TAF3: variants seen among roughly 807,000 people sequenced by gnomAD.
TAF3 encodes TATA-box binding protein associated factor 3.
Under a neutral mutation model 80.6 loss-of-function variants are expected in TAF3, and 7 were observed. That is an observed-to-expected ratio of 0.09 (90% CI 0.05 to 0.16). The LOEUF is 0.16. Among genes scored for constraint, TAF3 ranks in the 10% least tolerant of loss-of-function variants. TAF3 has a pLI of 1.00. For missense variants in TAF3, 921 were observed against 1,140.2 expected, an observed-to-expected ratio of 0.81 and a Z score of 2.77; for synonymous variants, 444 against 446.1, an observed-to-expected ratio of 1.00 and a Z score of 0.06.
chr10:7,968,079 A>G (rs1831589717), intron 3 of TAF3, among the ~76,000 whole-genome samples: 1 of 152,170 alleles, frequency 6.6e-6, no homozygotes, highest in Non-Finnish European at 1.5e-5. Context: ...ATGCGGTTCC[A>G]TATGGTCCGA....
chr10:7,897,579 T>G (rs1055915534), intron 2 of TAF3, among the ~76,000 whole-genome samples: 5 of 152,190 alleles, frequency 3.3e-5, no homozygotes, highest in Admixed American at 2.0e-4. Flanking sequence ...TGATAATCCA[T>G]ACCCTTCGGT....
intron 3 of TAF3, among the ~76,000 whole-genome samples, chr10:7,972,093 GC>G (rs1831628257): frequency 1.3e-5 from 2 of 152,150 alleles, no homozygotes; most frequent in South Asian, 2.1e-4. Flanking sequence ...ACCCTTAAAA[GC>G]TCATCGTGGC....
At chr10:7,827,886 G>T (rs1836759527) in intron 2 of TAF3, among the ~76,000 whole-genome samples, 1 of 152,044 alleles carries the variant, frequency 6.6e-6, no homozygotes, top group Non-Finnish European at 1.5e-5. Flanking sequence ...GAGCCCAGGG[G>T]TCAAGGCTGC....
chr10:7,963,433 T>A (rs1831530636), intron 2 of TAF3, among the ~76,000 whole-genome samples: 2 of 152,200 alleles, frequency 1.3e-5, no homozygotes, highest in South Asian at 4.1e-4. Context: ...AGGACAATGA[T>A]CAATTTGTAC....
chr10:7,851,381 T>C (rs1366109686), intron 2 of TAF3, among the ~76,000 whole-genome samples: 1 of 152,030 alleles, frequency 6.6e-6, no homozygotes, highest in Non-Finnish European at 1.5e-5. Context: ...CAGGGGGTGG[T>C]TGGGGCAGAG....
intron 2 of TAF3, among the ~76,000 whole-genome samples, chr10:7,893,566 G>T (rs1295856392): frequency 6.6e-6 from 1 of 152,042 alleles, no homozygotes; most frequent in Non-Finnish European, 1.5e-5. Flanking sequence ...GGCTTTTGTT[G>T]CTGTAGCTAG....
Position 8,009,918 on chromosome 10 carries a change from C to G in TAF3, c.2568+588C>G, listed in dbSNP as rs1426526938. On this transcript the variant is annotated intron_variant, in intron 5 of 6. Coordinates refer to ENST00000344293, the MANE Select transcript of TAF3 (RefSeq NM_031923.4). This position sits in a 1 kb window ranked among gnomAD's most constrained non-coding sequence, Gnocchi z 4.1. ...TACAGGCATGAGCCACCGTGCCCGG[C>G]TTTTTTTTTTTGAAAGGGGATTTCA... Among the ~76,000 whole-genome samples, 2 of 145,598 alleles carry G rather than the reference C, an allele frequency of 1.4e-5. No individual in the cohort carries two copies. The highest frequency in any genetic ancestry group is 3.0e-5 in the Non-Finnish European group (2 of 65,766).
chr10:7,968,958 G>C (rs1432962014), intron 3 of TAF3, among the ~76,000 whole-genome samples: 1 of 152,186 alleles, frequency 6.6e-6, no homozygotes, highest in Non-Finnish European at 1.5e-5. Flanking sequence ...CACCTAGTCA[G>C]GGTTGGGACT....
At chr10:7,875,606 C>T (rs11255422) in intron 2 of TAF3, among the ~76,000 whole-genome samples, 43,721 of 152,026 alleles carry the variant, frequency 0.29, 7,581 homozygotes, top group Non-Finnish European at 0.38. Context: ...AGTTGACTGC[C>T]TCTTTTCAAA....
intron 2 of TAF3, among the ~76,000 whole-genome samples, chr10:7,880,661 A>C (rs1001441357): frequency 2.0e-5 from 3 of 152,244 alleles, no homozygotes; most frequent in African/African-American, 7.2e-5. Context: ...TACACAGTAC[A>C]TGTTGTATCT....
intron 2 of TAF3, among the ~76,000 whole-genome samples, chr10:7,885,514 C>G (rs568737892): frequency 5.9e-5 from 9 of 152,178 alleles, no homozygotes; most frequent in Non-Finnish European, 1.3e-4. Context: ...CATTTCCCTC[C>G]TCACCGAATC....
intron 2 of TAF3, among the ~76,000 whole-genome samples, chr10:7,943,678 T>A (rs912477545): frequency 6.6e-6 from 1 of 152,242 alleles, no homozygotes; most frequent in Non-Finnish European, 1.5e-5. Flanking sequence ...GCATCATTTG[T>A]GCCTCTTGGC....
chr10:7,960,314 G>A (rs1047364566), intron 2 of TAF3, among the ~76,000 whole-genome samples: 2 of 152,196 alleles, frequency 1.3e-5, no homozygotes, highest in Non-Finnish European at 2.9e-5. Context: ...AAGCGAGGGA[G>A]GGAGGGAAAA....
At chr10:7,928,660 G>A (rs1418878944) in intron 2 of TAF3, among the ~76,000 whole-genome samples, 1 of 152,134 alleles carries the variant, frequency 6.6e-6, no homozygotes, top group Non-Finnish European at 1.5e-5. Context: ...AAGGATGAAT[G>A]TTGTAATGGT....
intron 2 of TAF3, among the ~76,000 whole-genome samples, chr10:7,881,393 A>G (rs1208190802): frequency 2.0e-5 from 3 of 152,100 alleles, no homozygotes; most frequent in Non-Finnish European, 4.4e-5. Context: ...TGCCGCCTCC[A>G]AGTCAGCAGT....
intron 2 of TAF3, among the ~76,000 whole-genome samples, chr10:7,860,524 A>C (rs1424649537): frequency 6.6e-6 from 1 of 152,124 alleles, no homozygotes; most frequent in Admixed American, 6.6e-5. Context: ...TTATTTCGAG[A>C]TACTTCCCCT....
At chr10:7,979,297 TCGCGCCAC>T (rs1831701978) in intron 4 of TAF3, among the ~76,000 whole-genome samples, 1 of 143,928 alleles carries the variant, frequency 6.9e-6, no homozygotes, top group Non-Finnish European at 1.5e-5. Context: ...TGAGCTGAGA[TCGCGCCAC>T]TGAACTCCAG....
chr10:7,987,588 G>T (rs1296372949), intron 4 of TAF3, among the ~76,000 whole-genome samples: 1 of 152,156 alleles, frequency 6.6e-6, no homozygotes, highest in Non-Finnish European at 1.5e-5. Context: ...CATTTAAAAT[G>T]TTTAAGAGAT....
chr10:7,832,507 T>G (rs927785480), intron 2 of TAF3, among the ~76,000 whole-genome samples: 3 of 152,192 alleles, frequency 2.0e-5, no homozygotes, highest in African/African-American at 7.2e-5. Context: ...CAGACTAAAT[T>G]GGATATTTAC....
Sources: allele counts gnomAD v4.1 joint callset (sites outside exome capture counted in the v4.1 genomes callset), GRCh38; gene constraint gnomAD v4.1.1; non-coding constraint Gnocchi (gnomAD v3.1); transcripts MANE v1.5; gene names NCBI Gene and HGNC (gene_info 2026-07-23, HGNC 2026-07-21).